Variants in RBM24 observed in about 807,000 individuals in gnomAD.
RBM24 encodes the protein RNA binding motif protein 24, also known as RNA-binding protein 24.
In RBM24, 5 loss-of-function variants were observed where a neutral mutation model predicts 23.6. The ratio of observed to expected loss-of-function variants is 0.21; its 90% CI spans 0.11 to 0.45. The LOEUF is 0.45. Among genes scored for constraint, RBM24 ranks in the 20% least tolerant of loss-of-function variants. RBM24 has a pLI of 0.99. For synonymous variants in RBM24, 151 were observed against 129.5 expected, an observed-to-expected ratio of 1.17 and a Z score of -1.13; for missense variants, 252 against 314.6, an observed-to-expected ratio of 0.80 and a Z score of 1.51.
At chr6:17,283,047 C>T (rs1336058627) in intron 2 of RBM24, 119 bp downstream of exon 2, 31 of 700,130 alleles carry the variant, frequency 4.4e-5, no homozygotes, top group Non-Finnish European at 7.3e-5. Flanking sequence ...AAACTTGAAC[C>T]ATGGCTTGTT....
chr6:17,285,003 A>G (rs1760150824), intron 3 of RBM24: 2 of 255,500 alleles, frequency 7.8e-6, no homozygotes, highest in South Asian at 1.4e-4. Context: ...CATCACCATT[A>G]CTACTGTTCG....
chr6:17,282,067 A>G, intron 1 of RBM24: 3 of 1,256,332 alleles, frequency 2.4e-6, no homozygotes, highest in Non-Finnish European at 3.0e-6. Flanking sequence ...ACCCTGAACA[A>G]TTGCATTCCC....
chr6:17,284,526 C>T (rs1760135937), intron 2 of RBM24, 131 bp from the exon 3 acceptor site: 1 of 622,692 alleles, frequency 1.6e-6, no homozygotes, highest in Non-Finnish European at 2.8e-6. Context: ...AATATACATA[C>T]ATATAGTTTC....
At position 17,282,608 on chromosome 6, in the gene RBM24, GCCCCCCCCC is replaced by G. The variant is rs373325663; in HGVS notation, c.169-193_169-185del. On this transcript the variant is annotated intron_variant, in intron 1 of 3. Transcript: ENST00000379052. ...TCTTTCTTTTTTCCTTCGTCTACCC[GCCCCCCCCC>G]CCCACGCCCCCGCCCGCCTGTTAAA... 1.4e-4 allele frequency: 24 copies of G among 171,746 alleles called. 4 individuals are homozygous for G. The highest frequency in any genetic ancestry group is 1.2e-4 in the Non-Finnish European group (11 of 93,500). The allele number at this position is 171,746 out of a possible 1,614,324, so 10.6% of individuals were successfully genotyped here. A position where few individuals can be genotyped will look rare whatever the true frequency, so the allele number is the denominator to read the frequency against.
chr6:17,289,634 C>T (rs1760294981), intron 3 of RBM24: 1 of 985,392 alleles, frequency 1.0e-6, no homozygotes, highest in Non-Finnish European at 1.2e-6. Flanking sequence ...CAGTGTTGTT[C>T]TTGGAACTTT....
intron 3 of RBM24, 122 bp from the exon 4 acceptor site, chr6:17,291,634 G>A (rs1399576070): frequency 6.0e-5 from 65 of 1,077,178 alleles, no homozygotes; most frequent in Non-Finnish European, 8.5e-5. Context: ...CCACTAGAAA[G>A]TAGATATTGT....
intron 2 of RBM24, among the ~76,000 whole-genome samples, chr6:17,283,518 A>G (rs1258018197): frequency 6.6e-6 from 1 of 152,136 alleles, no homozygotes; most frequent in African/African-American, 2.4e-5. Context: ...CCTGGGTTCA[A>G]GTGATTGTCC....
intron 1 of RBM24, chr6:17,282,518 G>C: frequency 2.0e-6 from 1 of 511,130 alleles, no homozygotes; most frequent in Admixed American, 2.9e-5. Context: ...CCAAATCTCG[G>C]CTAGGCCCTA....
In RBM24 at chr6:17,293,801, T is replaced by C. The variant is rs769915014; in HGVS notation, c.*1682T>C. On this transcript the variant is annotated 3_prime_UTR_variant, in exon 4 of 4. Transcript: ENST00000379052. The stretch of plus-strand genomic sequence containing the variant: ...CTCTCCTGTGCAAATTATTTATTCG[T>C]TGTGTATATTGCTTTATAACATTTC... The C allele has an allele frequency of 6.5e-6, 1 of 152,686 alleles. No homozygotes were observed. Among genetic ancestry groups the C allele is most frequent in the African/African-American group, 2.4e-5 (1 of 41,476 alleles). 9.5% of individuals were successfully genotyped at this position (152,686 alleles called of 1,614,324 possible).
rs1278821849 is a variant in RBM24 at position 17,282,831 on chromosome 6, C to T, written c.195C>T (p.Ala65=). 1 of 1,613,870 alleles carries T rather than the reference C, an allele frequency of 6.2e-7. No homozygotes were observed. The highest frequency in any genetic ancestry group is 8.5e-7 in the Non-Finnish European group (1 of 1,180,004). The change falls in exon 2 of 4, where the codon GCC becomes GCT. Residue 65 remains alanine, a synonymous_variant. Transcript: ENST00000379052. Reference sequence around the variant, plus strand: ...TCACCATGGCTGACCGGGCTGCTGCCGAAAGGGCCTGCAAGGATCCCAATC... The same window carrying T: ...TCACCATGGCTGACCGGGCTGCTGCTGAAAGGGCCTGCAAGGATCCCAATC... ...GFVTMADRAA[A]ERACKDPNPI...
chr6:17,290,055 C>T, intron 3 of RBM24: 1 of 1,289,416 alleles, frequency 7.8e-7, no homozygotes, highest in Non-Finnish European at 1.0e-6. Flanking sequence ...CACTGGGAAA[C>T]ATCTACAAGT....
At position 17,281,460 on chromosome 6, in the gene RBM24, G is replaced by GCTCGCCCTTGGCCCCCGGC. The variant is rs1419117929; in HGVS notation, c.-121_-103dup. 3.4e-5 allele frequency: 26 copies of GCTCGCCCTTGGCCCCCGGC among 770,056 alleles called. No homozygotes were observed. The highest frequency in any genetic ancestry group is 4.1e-5 in the Non-Finnish European group (25 of 616,454). 47.7% of individuals were successfully genotyped at this position (770,056 alleles called of 1,614,324 possible). On this transcript the variant is annotated 5_prime_UTR_variant, in exon 1 of 4. Transcript: ENST00000379052. This position sits in a 1 kb window ranked among gnomAD's most constrained non-coding sequence, Gnocchi z 7.1. ...GCCGCGCCGCCGCCCTCGCCCCCGGGCTCGCCCTTGGCCCCCGGCGGCCGC... is the reference window on the plus strand; with the variant it reads ...GCCGCGCCGCCGCCCTCGCCCCCGGGCTCGCCCTTGGCCCCCGGCCTCGCCCTTGGCCCCCGGCGGCCGC...
chr6:17,282,076 C>T, intron 1 of RBM24: 1 of 1,244,866 alleles, frequency 8.0e-7, no homozygotes, highest in Non-Finnish European at 1.0e-6. Context: ...AATTGCATTC[C>T]CGGGCTGGAT....
At chr6:17,285,411 G>A (rs1015173073) in intron 3 of RBM24, among the ~76,000 whole-genome samples, 2 of 151,094 alleles carry the variant, frequency 1.3e-5, no homozygotes, top group African/African-American at 4.9e-5. Flanking sequence ...GCCATGGGAA[G>A]CAAAGGGCCT....
intron 3 of RBM24, chr6:17,289,226 C>T: frequency 1.0e-6 from 1 of 985,426 alleles, no homozygotes; most frequent in Non-Finnish European, 1.2e-6. Context: ...AAAAAGAACT[C>T]CTAATTCAGG....
Position 17,292,480 on chromosome 6 carries a change from C to T in RBM24, c.*361C>T, listed in dbSNP as rs1760400428. On this transcript the variant is annotated 3_prime_UTR_variant, in exon 4 of 4. Transcript: ENST00000379052. ...ACTGCCTTTTACAAGTTAGAAAATG[C>T]TGTTTGAATCTAGTTGAACCAGGGA... The T allele has an allele frequency of 6.2e-6, 1 of 161,856 alleles. No homozygotes were observed. The highest frequency in any genetic ancestry group is 2.4e-5 in the African/African-American group (1 of 41,810). 10.0% of individuals were successfully genotyped at this position (161,856 alleles called of 1,614,324 possible).
Position 17,293,462 on chromosome 6 carries a change from T to C in RBM24, c.*1343T>C, listed in dbSNP as rs918352030. The stretch of plus-strand genomic sequence containing the variant: ...TTAGTTTAGTTTTTAGATTTTTTTT[T>C]AAACGATATATTGCTAGTTTCATGC... On this transcript the variant is annotated 3_prime_UTR_variant, in exon 4 of 4. Transcript: ENST00000379052. 6.6e-6 allele frequency: 1 copy of C among 152,628 alleles called. No homozygotes were observed. The highest frequency in any genetic ancestry group is 2.4e-5 in the African/African-American group (1 of 41,456). 9.5% of individuals were successfully genotyped at this position (152,628 alleles called of 1,614,324 possible). A position where few individuals can be genotyped will look rare whatever the true frequency, so the allele number is the denominator to read the frequency against.
intron 3 of RBM24, chr6:17,289,905 C>G (rs1315054549): frequency 1.3e-5 from 17 of 1,269,304 alleles, no homozygotes; most frequent in Non-Finnish European, 1.7e-5. Context: ...TAAAGCCACA[C>G]CTGTTGTTGC....
Position 17,281,393 on chromosome 6 carries a change from C to T in RBM24, c.-189C>T. The T allele has an allele frequency of 6.1e-6, 1 of 163,830 alleles. No individual in the cohort carries two copies. Among genetic ancestry groups the T allele is most frequent in the Non-Finnish European group, 1.2e-5 (1 of 80,074 alleles). 10.1% of individuals were successfully genotyped at this position (163,830 alleles called of 1,614,324 possible). On this transcript the variant is annotated 5_prime_UTR_variant, in exon 1 of 4. Transcript: ENST00000379052. The surrounding 1 kb of genome is among the most constrained non-coding windows in gnomAD (Gnocchi z 7.1). ...CAGGGCCGCTGGCGACTTCGGAAGC[C>T]GCGCGCCCGGCGCTCTCGGCCGCCC...
Sources: gnomAD v4.1 joint callset for allele counts (sites outside exome capture counted in the v4.1 genomes callset) on GRCh38, gnomAD v4.1.1 for gene constraint, Gnocchi (gnomAD v3.1) non-coding constraint, MANE v1.5 for transcripts, NCBI Gene and HGNC (gene_info 2026-07-23, HGNC 2026-07-21) for gene names.